Variants in LOC400499 observed in about 807,000 individuals in gnomAD.
chr16:11,446,319 A>G, the LOC400499 span, among the ~76,000 whole-genome samples: 1 of 110,134 alleles, frequency 9.1e-6, no homozygotes, highest in Non-Finnish European at 2.0e-5. Context: ...CTGGCTAATT[A>G]AACAATTTTT....
chr16:11,412,573 T>A, the LOC400499 span, among the ~76,000 whole-genome samples: 1 of 152,242 alleles, frequency 6.6e-6, no homozygotes, highest in African/African-American at 2.4e-5. Context: ...CTAAGGGCAG[T>A]AATAGTTATT....
chr16:11,377,356 G>A, the LOC400499 span, among the ~76,000 whole-genome samples: 1 of 152,118 alleles, frequency 6.6e-6, no homozygotes, highest in African/African-American at 2.4e-5. Flanking sequence ...AATAGCTCTA[G>A]CTAGGATTTC....
the LOC400499 span, among the ~76,000 whole-genome samples, chr16:11,429,640 A>G: frequency 1.3e-5 from 2 of 152,048 alleles, no homozygotes; most frequent in African/African-American, 4.8e-5. Context: ...CCCCTGGCTA[A>G]TTTTTGTGTT....
At chr16:11,504,923 G>A in the LOC400499 span, among the ~76,000 whole-genome samples, 2 of 147,244 alleles carry the variant, frequency 1.4e-5, no homozygotes, top group African/African-American at 2.5e-5. Flanking sequence ...ACCCTGTCTC[G>A]AAAAAAAAAA....
the LOC400499 span, chr16:11,460,614 T>C: frequency 6.5e-7 from 1 of 1,529,974 alleles, no homozygotes; most frequent in African/African-American, 1.4e-5. Context: ...GCCTGACCTG[T>C]GTGGATCAAC....
At chr16:11,465,952 G>A in the LOC400499 span, among the ~76,000 whole-genome samples, 4 of 152,146 alleles carry the variant, frequency 2.6e-5, no homozygotes, top group Non-Finnish European at 5.9e-5. Context: ...AAACCTTGTG[G>A]CCTGGGAATT....
the LOC400499 span, among the ~76,000 whole-genome samples, chr16:11,467,946 A>T: frequency 6.6e-6 from 1 of 152,150 alleles, no homozygotes; most frequent in East Asian, 1.9e-4. Flanking sequence ...TAAAAAGGGG[A>T]TGTGTGGACA....
the LOC400499 span, among the ~76,000 whole-genome samples, chr16:11,512,135 A>G: frequency 6.6e-6 from 1 of 151,966 alleles, no homozygotes; most frequent in Admixed American, 6.6e-5. Context: ...ACACAAAATA[A>G]GCTGTGCATG....
At chr16:11,475,686 C>A in the LOC400499 span, 1 of 399,052 alleles carries the variant, frequency 2.5e-6, no homozygotes, top group South Asian at 1.3e-4. Context: ...GCTCCTCACG[C>A]CATCCCTGGT....
chr16:11,517,734 C>T, the LOC400499 span, among the ~76,000 whole-genome samples: 4 of 152,170 alleles, frequency 2.6e-5, no homozygotes, highest in African/African-American at 7.2e-5. Context: ...CCTGCCCTTC[C>T]CCTGGCAGAA....
At chr16:11,398,338 G>A in the LOC400499 span, 1 of 1,232,286 alleles carries the variant, frequency 8.1e-7, no homozygotes. Flanking sequence ...CTTCTGCAGG[G>A]CAGACTCACC....
At chr16:11,385,543 C>A in the LOC400499 span, 1 of 562,236 alleles carries the variant, frequency 1.8e-6, no homozygotes, top group Non-Finnish European at 2.7e-6. Context: ...GGCCTGGATT[C>A]CCCCTCCCCT....
At chr16:11,484,348 G>A in the LOC400499 span, among the ~76,000 whole-genome samples, 1 of 152,160 alleles carries the variant, frequency 6.6e-6, no homozygotes, top group Non-Finnish European at 1.5e-5. Flanking sequence ...ACTTTTGGGA[G>A]TGATGGGTAT....
At chr16:11,472,094 C>G in the LOC400499 span, 2 of 344,704 alleles carry the variant, frequency 5.8e-6, no homozygotes, top group Admixed American at 9.5e-5. Flanking sequence ...CCACTAGATG[C>G]CAGTAACCCC....
the LOC400499 span, chr16:11,440,737 T>C: frequency 2.5e-6 from 1 of 398,856 alleles, no homozygotes; most frequent in African/African-American, 2.1e-5. Flanking sequence ...GGATGTGACG[T>C]TGTGATTGAC....
At chr16:11,494,777 G>T in the LOC400499 span, 18 of 398,970 alleles carry the variant, frequency 4.5e-5, no homozygotes, top group Admixed American at 1.3e-4. Flanking sequence ...ACAGAAATCG[G>T]CCCCCACCCG....
the LOC400499 span, among the ~76,000 whole-genome samples, chr16:11,498,830 C>G: frequency 6.6e-6 from 1 of 151,476 alleles, no homozygotes; most frequent in Non-Finnish European, 1.5e-5. Context: ...ACAGCCACTT[C>G]CCTCCGCACA....
chr16:11,399,572 A>AG, the LOC400499 span: 1 of 398,742 alleles, frequency 2.5e-6, no homozygotes, highest in South Asian at 1.3e-4. Flanking sequence ...GCAGGCCTGG[A>AG]GGCTGTTCAG....
At chr16:11,431,559 C>A in the LOC400499 span, among the ~76,000 whole-genome samples, 1 of 152,208 alleles carries the variant, frequency 6.6e-6, no homozygotes, top group African/African-American at 2.4e-5. Flanking sequence ...GGACCCACCA[C>A]AACAGCTGGC....
Sources: gnomAD v4.1 joint callset for allele counts (sites outside exome capture counted in the v4.1 genomes callset) on GRCh38, gnomAD v4.1.1 for gene constraint, MANE v1.5 for transcripts.